PAXIP1: variants seen among roughly 807,000 people sequenced by gnomAD.
The protein encoded by PAXIP1 is PAX-interacting protein 1.
PAXIP1 carries 19 observed loss-of-function variants against 140.6 expected under a neutral mutation model. That is an observed-to-expected ratio of 0.14 (90% CI 0.09 to 0.20). The LOEUF is 0.20. Among genes scored for constraint, PAXIP1 ranks in the 10% least tolerant of loss-of-function variants. PAXIP1 has a pLI of 1.00. For missense variants in PAXIP1, 920 were observed against 1,208.6 expected (o/e 0.76, Z 3.54); for synonymous variants, 442 against 444.6 (o/e 0.99, Z 0.07).
chr7:155,000,967 G>A (rs1336387489), intron 1 of PAXIP1: 1 of 152,204 alleles, frequency 6.6e-6, no homozygotes, highest in Non-Finnish European at 1.5e-5. Context: ...ACTGTGATAT[G>A]TCCAGGTGTG....
chr7:154,960,412 A>T (rs776892968), intron 12 of PAXIP1, among the ~76,000 whole-genome samples: 1 of 152,196 alleles, frequency 6.6e-6, no homozygotes, highest in South Asian at 2.1e-4. Context: ...GAAAGCAGGG[A>T]ATGTTCTGTA....
At position 154,946,457 on chromosome 7, in the gene PAXIP1, G is replaced by C. The variant is rs1364887597; in HGVS notation, c.3134-32C>G. On this transcript the variant is annotated intron_variant, in intron 19 of 20. Coordinates refer to ENST00000404141, the MANE Select transcript of PAXIP1 (RefSeq NM_007349.4). This position sits in a 1 kb window ranked among gnomAD's most constrained non-coding sequence, Gnocchi z 4.9. ...AGGGTGGAAACAGACACTTTAGTTAGAGATCCACTGCTGTGCGTGCACACA... is the reference window on the plus strand; with the variant it reads ...AGGGTGGAAACAGACACTTTAGTTACAGATCCACTGCTGTGCGTGCACACA... The C allele has an allele frequency of 6.2e-7, 1 of 1,610,848 alleles. No homozygotes were observed. Among genetic ancestry groups the C allele is most frequent in the South Asian group, 1.1e-5 (1 of 91,026 alleles).
intron 9 of PAXIP1, 163 bp from the exon 10 acceptor site, chr7:154,962,621 G>T: frequency 1.8e-6 from 1 of 559,178 alleles, no homozygotes; most frequent in Non-Finnish European, 3.1e-6. Context: ...AAACCGTGTA[G>T]CTGGTTACTT....
chr7:155,002,702 C>A, intron 1 of PAXIP1, 147 bp downstream of exon 1: 1 of 344,158 alleles, frequency 2.9e-6, no homozygotes, highest in South Asian at 1.2e-4. Flanking sequence ...TCGCCCCTGC[C>A]CTCAGCGCAG....
chr7:154,945,713 CAG>C lies in PAXIP1; in HGVS notation c.3194+650_3194+651del, dbSNP rs1368084953. Reference sequence around the variant, plus strand: ...CTGCAATGGGAAACGGAAGTGGAAACAGAATTTTCCCATAAGGACCTGTAAGG... The same window carrying C: ...CTGCAATGGGAAACGGAAGTGGAAACAATTTTCCCATAAGGACCTGTAAGG... On this transcript the variant is annotated intron_variant, in intron 20 of 20. Coordinates refer to ENST00000404141, the MANE Select transcript of PAXIP1 (RefSeq NM_007349.4). 4 of 985,248 alleles carry C rather than the reference CAG, an allele frequency of 4.1e-6. No individual in the cohort carries two copies. The African/African-American group carries it at 7.0e-5, about 17-fold the overall frequency. The allele number at this position is 985,248 out of a possible 1,614,324, so 61.0% of individuals were successfully genotyped here. A position where few individuals can be genotyped will look rare whatever the true frequency, so the allele number is the denominator to read the frequency against.
chr7:154,948,102 T>C, intron 16 of PAXIP1, 99 bp from the exon 17 acceptor site: 1 of 776,802 alleles, frequency 1.3e-6, no homozygotes, highest in South Asian at 1.4e-5. Context: ...TACATAATAT[T>C]ACAGCTACAT....
chr7:154,967,161 C>T (rs535311537), intron 8 of PAXIP1, among the ~76,000 whole-genome samples: 2 of 152,302 alleles, frequency 1.3e-5, no homozygotes, highest in East Asian at 1.9e-4. Context: ...CCGTTTTCTC[C>T]GTCTCTGTGA....
In PAXIP1 at chr7:155,003,017, C is replaced by T. The variant is rs1811007402; in HGVS notation, c.-88G>A. ...CCCCGCGGCGCCCGGCGCCCCCACTCGCCCCGCCAACGGCCCTGCCCGCGC... is the reference window on the plus strand; with the variant it reads ...CCCCGCGGCGCCCGGCGCCCCCACTTGCCCCGCCAACGGCCCTGCCCGCGC... On this transcript the variant is annotated 5_prime_UTR_variant, in exon 1 of 21. Coordinates refer to ENST00000404141, the MANE Select transcript of PAXIP1 (RefSeq NM_007349.4). 11 of 458,058 alleles carry T rather than the reference C, an allele frequency of 2.4e-5. No homozygotes were observed. The South Asian group carries it at 9.5e-4, about 40-fold the overall frequency. 28.4% of individuals were successfully genotyped at this position (458,058 alleles called of 1,614,324 possible). A position where few individuals can be genotyped will look rare whatever the true frequency, so the allele number is the denominator to read the frequency against.
chr7:154,985,312 T>C (rs1410750327), intron 4 of PAXIP1, among the ~76,000 whole-genome samples: 3 of 152,202 alleles, frequency 2.0e-5, no homozygotes, highest in African/African-American at 7.2e-5. Context: ...ACCAATGTTA[T>C]CATGTTGGCT....
rs979485309 is a variant in PAXIP1, at chr7:154,975,881, G to A, written c.889C>T (p.Pro297Ser). 1.2e-6 allele frequency: 2 copies of A among 1,613,840 alleles called. No homozygotes were observed. The highest frequency in any genetic ancestry group is 1.7e-5 in the Admixed American group (1 of 59,998). ...GGCAAAATGTTACCTGGGACGGGTGGGACATTGGCACACAAGTTAATCAAC... is the reference window on the plus strand; with the variant it reads ...GGCAAAATGTTACCTGGGACGGGTGAGACATTGGCACACAAGTTAATCAAC... ...PGLINLCANV[P>S]PVPGNILPPE... Residue 297 changes from proline to serine, a missense_variant, in exon 6 of 21, where the codon CCA (proline) becomes TCA (serine). Coordinates refer to ENST00000404141, the MANE Select transcript of PAXIP1 (RefSeq NM_007349.4).
In PAXIP1 at chr7:154,957,262, A is replaced by G; in HGVS notation, c.2511T>C (p.Asn837=). ...AAGAAGGCTGGACATTAGCTACTTC[A>G]TTCTGTTTCAGTTTGGGAGGTAGTC... is the stretch of plus-strand genomic sequence containing the variant. ...SIRLPPKLKQ[N]EVANVQPSSK... Residue 837 remains asparagine (N), a synonymous_variant, in exon 14 of 21, where the codon AAT becomes AAC. Coordinates refer to ENST00000404141, the MANE Select transcript of PAXIP1 (RefSeq NM_007349.4). 1 of 1,608,038 alleles carries G rather than the reference A, an allele frequency of 6.2e-7. No homozygotes were observed. Among genetic ancestry groups the G allele is most frequent in the Non-Finnish European group, 8.5e-7 (1 of 1,175,986 alleles).
chr7:154,991,852 T>C (rs1028096637), intron 3 of PAXIP1, among the ~76,000 whole-genome samples: 1 of 152,202 alleles, frequency 6.6e-6, no homozygotes, highest in Non-Finnish European at 1.5e-5. Context: ...TCTTTCCCTA[T>C]AGGAGTAAAG....
At position 154,943,766 on chromosome 7, in the gene PAXIP1, TAATC is replaced by T. The variant is rs774169839; in HGVS notation, c.*379_*382del. On this transcript the variant is annotated 3_prime_UTR_variant, in exon 21 of 21. Transcript: ENST00000404141. Reference sequence around the variant, plus strand: ...GAAAACAGAGTATAAGAAATAAAAATAATCAAAGTACAAAACATTTCAAATCTTT... The same window carrying T: ...GAAAACAGAGTATAAGAAATAAAAATAAAGTACAAAACATTTCAAATCTTT... 1.0e-4 allele frequency: 19 copies of T among 190,622 alleles called. No homozygotes were observed. The highest frequency in any genetic ancestry group is 2.1e-4 in the African/African-American group (9 of 42,456). The allele number at this position is 190,622 out of a possible 1,614,324, so 11.8% of individuals were successfully genotyped here.
At chr7:154,971,184 A>G (rs1033193855) in intron 6 of PAXIP1, among the ~76,000 whole-genome samples, 1 of 152,224 alleles carries the variant, frequency 6.6e-6, no homozygotes, top group Non-Finnish European at 1.5e-5. Context: ...AGGGAGGCCT[A>G]GGTAGGACAG....
intron 2 of PAXIP1, among the ~76,000 whole-genome samples, chr7:154,996,833 T>A (rs1464985980): frequency 6.6e-6 from 1 of 152,176 alleles, no homozygotes; most frequent in African/African-American, 2.4e-5. Context: ...ACAAAGTACT[T>A]ATTACAAAAA....
chr7:155,000,264 AAAC>A (rs1810829249), intron 1 of PAXIP1: 1 of 152,234 alleles, frequency 6.6e-6, no homozygotes, highest in African/African-American at 2.4e-5. Context: ...GTAAGTGAAA[AAAC>A]AGCGGTCACT....
intron 5 of PAXIP1, among the ~76,000 whole-genome samples, chr7:154,977,175 G>T (rs1809619566): frequency 6.6e-6 from 1 of 152,164 alleles, no homozygotes; most frequent in African/African-American, 2.4e-5. Context: ...CTGTGGTAAA[G>T]GGTGTAGAAT....
intron 17 of PAXIP1, 39 bp downstream of exon 17, chr7:154,947,864 T>C (rs963250365): frequency 1.4e-6 from 2 of 1,407,436 alleles, no homozygotes; most frequent in African/African-American, 2.8e-5. Context: ...CCGTGTGTTA[T>C]GCTTACTTGG....
intron 6 of PAXIP1, 28 bp downstream of exon 6, chr7:154,975,668 G>A: frequency 1.4e-6 from 2 of 1,468,576 alleles, no homozygotes; most frequent in Non-Finnish European, 1.9e-6. Context: ...ATCCAATACT[G>A]ACATTTTTTT....
Sources: allele counts gnomAD v4.1 joint callset (sites outside exome capture counted in the v4.1 genomes callset), GRCh38; gene constraint gnomAD v4.1.1; non-coding constraint Gnocchi (gnomAD v3.1); transcripts MANE v1.5; gene names NCBI Gene and HGNC (gene_info 2026-07-23, HGNC 2026-07-21).